LRRC18: variants seen among roughly 807,000 people sequenced by gnomAD.
LRRC18 encodes the protein leucine rich repeat containing 18.
Under a neutral mutation model 11.2 loss-of-function variants are expected in LRRC18, and 12 were observed. That is an observed-to-expected ratio of 1.07 (90% CI 0.69 to 1.74). The LOEUF (loss-of-function observed/expected upper bound fraction) is 1.74, where lower values mean the gene tolerates loss of function less well. Among genes scored for constraint, LRRC18 ranks in the 40% most tolerant of loss-of-function variants. The pLI is 0.00. For synonymous variants in LRRC18, 155 were observed against 130.6 expected (o/e 1.19, Z -1.27); for missense variants, 374 against 330.5 (o/e 1.13, Z -1.02).
chr10:48,932,166 G>A, the LRRC18 span, among the ~76,000 whole-genome samples: 2 of 152,326 alleles, frequency 1.3e-5, no homozygotes, highest in South Asian at 2.1e-4. Context: ...AAAATGTTAG[G>A]TGACCAGTGT....
intron 1 of LRRC18, among the ~76,000 whole-genome samples, 179 bp downstream of exon 3, chr10:48,913,213 C>T (rs553244415): frequency 2.6e-5 from 4 of 152,242 alleles, no homozygotes; most frequent in South Asian, 4.2e-4. Flanking sequence ...GGCAAGGAAT[C>T]AAAAGCCCTT....
the LRRC18 span, among the ~76,000 whole-genome samples, chr10:48,930,749 T>C: frequency 1.1e-3 from 161 of 152,110 alleles, 1 homozygote; most frequent in African/African-American, 3.7e-3. Context: ...ATAATTAATG[T>C]GTAATCATAG....
chr10:48,924,620 A>G, the LRRC18 span, among the ~76,000 whole-genome samples: 1 of 152,170 alleles, frequency 6.6e-6, no homozygotes, highest in African/African-American at 2.4e-5. Context: ...GTTCTTGTAC[A>G]ATTTTTTTTT....
At chr10:48,936,419 T>C in the LRRC18 span, among the ~76,000 whole-genome samples, 1 of 152,124 alleles carries the variant, frequency 6.6e-6, no homozygotes, top group Admixed American at 6.5e-5. Context: ...GAATACATAA[T>C]TTAAAATTGA....
the LRRC18 span, among the ~76,000 whole-genome samples, chr10:48,921,939 A>G: frequency 6.6e-6 from 1 of 152,212 alleles, no homozygotes; most frequent in African/African-American, 2.4e-5. Context: ...TATAGTTATT[A>G]TATCATCTGG....
At chr10:48,914,279 C>G (rs577290215), upstream of LRRC18, 2 of 1,009,264 alleles carry the variant, frequency 2.0e-6, no homozygotes, top group African/African-American at 1.6e-5. Flanking sequence ...CCAGAGGGCA[C>G]TGGGCTCCCC....
At chr10:48,936,753 G>T in the LRRC18 span, among the ~76,000 whole-genome samples, 2 of 150,054 alleles carry the variant, frequency 1.3e-5, no homozygotes, top group Non-Finnish European at 3.0e-5. Flanking sequence ...CAGGAGAATC[G>T]CTTGAACCCA....
Position 48,913,642 on chromosome 10 carries a change from GC to G in LRRC18, c.513del (p.Lys171AsnfsTer4). ...GGAAAGGGGTTCCGCTTTATGTTGA[GC>G]TTTTTCAGCTTGGGGAGCTTGGAGA... On this transcript the variant is annotated frameshift_variant, in exon 1 of 2. Transcript: ENST00000374160. LOFTEE classifies it high-confidence loss of function. The G allele has an allele frequency of 1.2e-6, 2 of 1,613,918 alleles. No individual in the cohort carries two copies. Among genetic ancestry groups the G allele is most frequent in the African/African-American group, 1.3e-5 (1 of 74,992 alleles).
the LRRC18 span, among the ~76,000 whole-genome samples, chr10:48,937,219 A>G: frequency 6.6e-6 from 1 of 152,330 alleles, no homozygotes; most frequent in South Asian, 2.1e-4. Context: ...ACGTATGTAC[A>G]GCCTCATATT....
the LRRC18 span, among the ~76,000 whole-genome samples, chr10:48,938,827 C>A: frequency 6.6e-6 from 1 of 152,226 alleles, no homozygotes; most frequent in Admixed American, 6.5e-5. Context: ...CAGAGATAAT[C>A]TTTCCATCTT....
At chr10:48,939,424 C>T in the LRRC18 span, among the ~76,000 whole-genome samples, 19 of 152,186 alleles carry the variant, frequency 1.2e-4, no homozygotes, top group African/African-American at 4.6e-4. Flanking sequence ...TGCTGTCTTG[C>T]TCGGGGCCCC....
At chr10:48,919,170 A>G (rs955879273), upstream of LRRC18, among the ~76,000 whole-genome samples, 3 of 152,068 alleles carry the variant, frequency 2.0e-5, no homozygotes, top group African/African-American at 7.3e-5. Flanking sequence ...AGCCAGACTG[A>G]CAATTTAAAA....
At chr10:48,924,647 G>C in the LRRC18 span, among the ~76,000 whole-genome samples, 1 of 152,144 alleles carries the variant, frequency 6.6e-6, no homozygotes, top group Admixed American at 6.5e-5. Context: ...TGGAAAAAGT[G>C]GCCCAGTTGG....
the LRRC18 span, among the ~76,000 whole-genome samples, chr10:48,921,344 A>G: frequency 6.6e-6 from 1 of 152,194 alleles, no homozygotes; most frequent in Non-Finnish European, 1.5e-5. Context: ...GATTTTTGAA[A>G]AAAGGTCAAA....
At chr10:48,927,231 C>G in the LRRC18 span, among the ~76,000 whole-genome samples, 2 of 152,142 alleles carry the variant, frequency 1.3e-5, no homozygotes, top group African/African-American at 4.8e-5. Flanking sequence ...CCCGAACCCT[C>G]CCCCCTGCTT....
chr10:48,914,519 C>G (rs1301602905), upstream of LRRC18, among the ~76,000 whole-genome samples: 2 of 152,208 alleles, frequency 1.3e-5, no homozygotes, highest in Non-Finnish European at 2.9e-5. Context: ...TCTCCACTGT[C>G]CCAGACTGTC....
the LRRC18 span, among the ~76,000 whole-genome samples, chr10:48,919,717 T>G: frequency 5.9e-5 from 9 of 152,326 alleles, 1 homozygote; most frequent in South Asian, 1.9e-3. Context: ...TTATGAAGTC[T>G]CCACCCTCAA....
chr10:48,915,206 A>G (rs1437319312), upstream of LRRC18, among the ~76,000 whole-genome samples: 1 of 152,226 alleles, frequency 6.6e-6, no homozygotes, highest in Non-Finnish European at 1.5e-5. Flanking sequence ...CCTGGTACAT[A>G]GTAATAGCTT....
chr10:48,928,034 G>A, the LRRC18 span, among the ~76,000 whole-genome samples: 1 of 152,296 alleles, frequency 6.6e-6, no homozygotes, highest in East Asian at 1.9e-4. Flanking sequence ...AGCTCATGAG[G>A]TGAGCAGTGA....
Sources: gnomAD v4.1 joint callset for allele counts (sites outside exome capture counted in the v4.1 genomes callset) on GRCh38, gnomAD v4.1.1 for gene constraint, MANE v1.5 for transcripts, NCBI Gene and HGNC (gene_info 2026-07-23, HGNC 2026-07-21) for gene names.